The following UNKL variants were observed in gnomAD, a reference collection of about 807,000 sequenced individuals.
The protein encoded by UNKL is unk like zinc finger.
UNKL carries 60 observed loss-of-function variants against 78.0 expected under a neutral mutation model. The observed-to-expected ratio is 0.77, with a 90% CI of 0.63 to 0.95. The LOEUF (loss-of-function observed/expected upper bound fraction) is 0.95, where lower values mean the gene tolerates loss of function less well. UNKL is among the 40% of genes least tolerant of loss of function. The pLI is 0.00. For synonymous variants in UNKL, 608 were observed against 474.8 expected (o/e 1.28, Z -3.65); for missense variants, 1,159 against 1,045.7 (o/e 1.11, Z -1.49).
chr16:1,414,266 C>A (rs1281755651), intron 1 of UNKL, among the ~76,000 whole-genome samples: 1 of 152,046 alleles, frequency 6.6e-6, no homozygotes, highest in African/African-American at 2.4e-5. Context: ...GACCCTGGTC[C>A]CCAAGCCCAA....
chr16:1,381,521 G>A (rs1400947907), intron 10 of UNKL, among the ~76,000 whole-genome samples: 3 of 152,216 alleles, frequency 2.0e-5, no homozygotes, highest in African/African-American at 7.2e-5. Flanking sequence ...TCCGGAGGCT[G>A]AGGAGGGAGA....
chr16:1,366,454 G>T (rs1016384017), intron 14 of UNKL, 59 bp from the exon 15 acceptor site: 19 of 1,485,906 alleles, frequency 1.3e-5, no homozygotes, highest in Admixed American at 2.2e-5. Context: ...GGCCAGCTGG[G>T]GAGCCGGAGG....
At chr16:1,393,570 G>A (rs996400539) in intron 7 of UNKL, among the ~76,000 whole-genome samples, 1 of 152,180 alleles carries the variant, frequency 6.6e-6, no homozygotes, top group South Asian at 2.1e-4. Flanking sequence ...AACTTATTAG[G>A]GACCACATAA....
At chr16:1,414,319 C>T (rs2038180856) in intron 1 of UNKL, among the ~76,000 whole-genome samples, 2 of 152,148 alleles carry the variant, frequency 1.3e-5, no homozygotes, top group African/African-American at 2.4e-5. Context: ...ACCTCACGGT[C>T]GGCAGCCGGA....
In UNKL at chr16:1,399,207, A is replaced by G; in HGVS notation, c.734+167T>C. 8.0e-7 allele frequency: 1 copy of G among 1,255,542 alleles called. No homozygotes were observed. The highest frequency in any genetic ancestry group is 1.1e-6 in the Non-Finnish European group (1 of 939,370). 77.8% of individuals were successfully genotyped at this position (1,255,542 alleles called of 1,614,324 possible). The stretch of plus-strand genomic sequence containing the variant: ...CCCCAGGACAGACGCGTGGGCCTCC[A>G]TGGCACCTCCCACAGCCACTGTGCT... On this transcript the variant is annotated intron_variant, in intron 5 of 14. Transcript: ENST00000389221. The surrounding 1 kb of genome is among the most constrained non-coding windows in gnomAD (Gnocchi z 5.8).
chr16:1,407,790 C>T (rs2142257539), intron 2 of UNKL, among the ~76,000 whole-genome samples: 1 of 152,168 alleles, frequency 6.6e-6, no homozygotes, highest in South Asian at 2.1e-4. Flanking sequence ...GAGAACGAGA[C>T]CCAGGGTGGC....
chr16:1,414,516 C>T (rs2038191477), intron 1 of UNKL, 99 bp downstream of exon 1: 1 of 268,454 alleles, frequency 3.7e-6, no homozygotes, highest in Middle Eastern at 1.9e-3. Context: ...GCGCGGAGGC[C>T]GGGGGGCGCG....
In UNKL at chr16:1,366,287, T is replaced by C; in HGVS notation, c.2155A>G (p.Thr719Ala). The change falls in exon 15 of 15, where the codon ACC becomes GCC. Residue 719 changes from threonine to alanine, a missense_variant. Coordinates refer to ENST00000389221, the MANE Select transcript of UNKL (RefSeq NM_001372107.1). Reference protein sequence around the residue: ...HHILCEPCAATAPECPYCKGQ... With the variant: ...HHILCEPCAAAAPECPYCKGQ... ...TTGCAGTAGGGGCACTCAGGTGCGG[T>C]GGCCGCACACGGCTCACAGAGGATG... The C allele has an allele frequency of 6.3e-7, 1 of 1,596,010 alleles. No individual in the cohort carries two copies. Among genetic ancestry groups the C allele is most frequent in the South Asian group, 1.1e-5 (1 of 88,504 alleles).
chr16:1,394,236 A>C, intron 6 of UNKL, 21 bp from the exon 7 acceptor site: 1 of 1,549,986 alleles, frequency 6.5e-7, no homozygotes, highest in Non-Finnish European at 8.7e-7. Flanking sequence ...AAGTGAAATA[A>C]AGAGGTTGGA....
At chr16:1,380,353 A>G (rs985836646) in intron 10 of UNKL, among the ~76,000 whole-genome samples, 3 of 152,082 alleles carry the variant, frequency 2.0e-5, no homozygotes, top group Admixed American at 1.3e-4. Flanking sequence ...AATAAAATAC[A>G]CACGCAGCCA....
intron 2 of UNKL, chr16:1,408,370 G>A (rs1001898892): frequency 6.5e-6 from 1 of 152,896 alleles, no homozygotes; most frequent in African/African-American, 2.4e-5. Context: ...CGGAACAAAA[G>A]GCCTTTCCCG....
chr16:1,369,059 T>A (rs1055211810), intron 12 of UNKL, among the ~76,000 whole-genome samples: 1 of 112,986 alleles, frequency 8.9e-6, no homozygotes, highest in Non-Finnish European at 1.8e-5. Flanking sequence ...GTATTAGTTT[T>A]TTTTTTTTTT....
chr16:1,378,050 TGCTGTGCCACTGCAGGCTCAGCCTG>T (rs1350118688), intron 10 of UNKL, among the ~76,000 whole-genome samples: 1 of 152,144 alleles, frequency 6.6e-6, no homozygotes, highest in African/African-American at 2.4e-5. Flanking sequence ...GCTCCTAACC[TGCTGTGCCACTGCAGGCTCAGCCTG>T]GCTGTGCCTT....
At chr16:1,398,613 G>A (rs964492141) in intron 5 of UNKL, 2 of 1,427,460 alleles carry the variant, frequency 1.4e-6, no homozygotes, top group Non-Finnish European at 1.8e-6. Context: ...AGGAAGAGCT[G>A]GACACAGACA....
At chr16:1,375,082 G>A (rs903493367) in intron 10 of UNKL, among the ~76,000 whole-genome samples, 7 of 152,152 alleles carry the variant, frequency 4.6e-5, no homozygotes, top group East Asian at 1.9e-4. Context: ...ACAGGGTGGC[G>A]GGTGGCCCCT....
Position 1,366,218 on chromosome 16 carries a change from G to A in UNKL, c.*22C>T. The stretch of plus-strand genomic sequence containing the variant: ...GCGCTGGAGCCAGGGTGCCCAGCAG[G>A]AGGTGGCTGTCCCCGCTGAGGTCAC... On this transcript the variant is annotated 3_prime_UTR_variant, in exon 15 of 15. Transcript: ENST00000389221. 2.7e-6 allele frequency: 4 copies of A among 1,501,448 alleles called. No homozygotes were observed. The highest frequency in any genetic ancestry group is 2.5e-5 in the South Asian group (2 of 79,176). The allele number at this position is 1,501,448 out of a possible 1,614,324, so 93.0% of individuals were successfully genotyped here. A position where few individuals can be genotyped will look rare whatever the true frequency, so the allele number is the denominator to read the frequency against.
intron 14 of UNKL, 134 bp downstream of exon 14, chr16:1,366,958 C>T (rs1477259050): frequency 7.1e-7 from 1 of 1,414,042 alleles, no homozygotes; most frequent in Non-Finnish European, 9.2e-7. Flanking sequence ...GGCACCGTCT[C>T]CTCCTCCCTA....
chr16:1,405,263 G>A (rs2037701699), intron 2 of UNKL, among the ~76,000 whole-genome samples: 1 of 140,384 alleles, frequency 7.1e-6, no homozygotes, highest in African/African-American at 2.6e-5. Context: ...AGGAAAGAAA[G>A]ACAGGGAGGG....
chr16:1,367,795 G>A lies in UNKL; in HGVS notation c.1649C>T (p.Ser550Phe). ...TGGGGGGCCGGCACTCAGGATGGGG[G>A]AGGGGCTGGGGGAGAAGCTGCCGGA... is the stretch of plus-strand genomic sequence containing the variant. ...FVSGSFSPSP[S>F]PILSAGPPSS... The change falls in exon 13 of 15, where the codon TCC (serine) becomes TTC (phenylalanine). Residue 550 changes from serine to phenylalanine, a missense_variant. Physicochemically the swap from Ser to Phe is radical, Grantham distance 155 (BLOSUM62 -2). Transcript: ENST00000389221. 1 of 1,575,084 alleles carries A rather than the reference G, an allele frequency of 6.3e-7. No individual in the cohort carries two copies.
Sources: gnomAD v4.1 joint callset for allele counts (sites outside exome capture counted in the v4.1 genomes callset) on GRCh38, gnomAD v4.1.1 for gene constraint, Gnocchi (gnomAD v3.1) non-coding constraint, MANE v1.5 for transcripts, NCBI Gene and HGNC (gene_info 2026-07-23, HGNC 2026-07-21) for gene names.